The following CNOT2 variants were observed in gnomAD, a reference collection of about 807,000 sequenced individuals.
The protein encoded by CNOT2 is CC chemokine receptor 4-negative regulator of transcription 2.
In CNOT2, 7 loss-of-function variants were observed where a neutral mutation model predicts 72.1. That is an observed-to-expected ratio of 0.10 (90% CI 0.06 to 0.18). The LOEUF (loss-of-function observed/expected upper bound fraction) is 0.18, where lower values mean the gene tolerates loss of function less well. Ranked by LOEUF, CNOT2 falls within the 10% of genes least tolerant of loss-of-function variation. The pLI is 1.00. For missense variants in CNOT2, 345 were observed against 660.3 expected (o/e 0.52, Z 5.23); for synonymous variants, 196 against 225.6 (o/e 0.87, Z 1.17).
At chr12:70,323,369 C>T (rs965163137) in intron 4 of CNOT2, 3 of 151,660 alleles carry the variant, frequency 2.0e-5, no homozygotes, top group South Asian at 2.1e-4. Context: ...GAAGCAGTCT[C>T]ATATAATCTA....
At chr12:70,323,897 G>C (rs1339860450) in intron 4 of CNOT2, 1 of 151,292 alleles carries the variant, frequency 6.6e-6, no homozygotes, top group Non-Finnish European at 1.5e-5. Flanking sequence ...CTTTTCATAA[G>C]TATGACACAC....
intron 2 of CNOT2, among the ~76,000 whole-genome samples, chr12:70,293,809 A>G (rs1872358608): frequency 6.6e-6 from 1 of 151,536 alleles, no homozygotes. Context: ...AGGAGTGGAT[A>G]GGCACAAAGT....
At position 70,354,103 on chromosome 12, in the gene CNOT2, A is replaced by G. The variant is rs1883211252; in HGVS notation, c.*188A>G. On this transcript the variant is annotated 3_prime_UTR_variant, in exon 16 of 16. Coordinates refer to ENST00000229195, the MANE Select transcript of CNOT2 (RefSeq NM_014515.7). Reference sequence around the variant, plus strand: ...TGCCTTACTAATTATGTGCTGCCCAACAACTAAATTTGTAATTTGTTTTTC... The same window carrying G: ...TGCCTTACTAATTATGTGCTGCCCAGCAACTAAATTTGTAATTTGTTTTTC... 1.9e-6 allele frequency: 2 copies of G among 1,065,424 alleles called. No homozygotes were observed. The highest frequency in any genetic ancestry group is 2.5e-6 in the Non-Finnish European group (2 of 807,720). 66.0% of individuals were successfully genotyped at this position (1,065,424 alleles called of 1,614,324 possible).
Position 70,308,582 on chromosome 12 carries a change from T to TCACACA in CNOT2, c.49-2312_49-2311insACACAC, listed in dbSNP as rs1475931770. Among the ~76,000 whole-genome samples the TCACACA allele has an allele frequency of 1.7e-4, 20 of 117,928 alleles. No homozygotes were observed. The East Asian group carries it at 2.7e-3, about 16-fold the overall frequency. 77.4% of individuals were successfully genotyped at this position (117,928 alleles called of 152,430 possible). A position where few individuals can be genotyped will look rare whatever the true frequency, so the allele number is the denominator to read the frequency against. ...CTCTCTCTCTCTCTCTCTCTCTCTC[T>TCACACA]CTCACACACACACACACACACACAC... On this transcript the variant is annotated intron_variant, in intron 2 of 15. Coordinates refer to ENST00000229195, the MANE Select transcript of CNOT2 (RefSeq NM_014515.7).
intron 3 of CNOT2, among the ~76,000 whole-genome samples, chr12:70,312,754 C>T (rs1031096253): frequency 2.0e-5 from 3 of 151,942 alleles, no homozygotes; most frequent in African/African-American, 7.2e-5. Context: ...CTCCAAGTCT[C>T]AGTTTCCTTT....
At chr12:70,299,035 G>C (rs754099130) in intron 2 of CNOT2, among the ~76,000 whole-genome samples, 2 of 152,086 alleles carry the variant, frequency 1.3e-5, no homozygotes, top group African/African-American at 4.8e-5. Context: ...TAACAAAGAC[G>C]TACCCGAGAC....
At chr12:70,322,210 G>T (rs1291039998) in intron 4 of CNOT2, 1 of 151,768 alleles carries the variant, frequency 6.6e-6, no homozygotes, top group East Asian at 1.9e-4. Flanking sequence ...GAATGAAGTT[G>T]AATGAAACAA....
chr12:70,278,303 T>C, intron 2 of CNOT2, 29 bp downstream of exon 2: 1 of 1,479,696 alleles, frequency 6.8e-7, no homozygotes, highest in Non-Finnish European at 9.5e-7. Flanking sequence ...CTTTTTTCTC[T>C]ATTGGTCTTA....
chr12:70,297,456 A>G (rs939064487), intron 2 of CNOT2, among the ~76,000 whole-genome samples: 1 of 152,196 alleles, frequency 6.6e-6, no homozygotes, highest in African/African-American at 2.4e-5. Flanking sequence ...TCCTCCCTAC[A>G]TTAGAGAATC....
intron 1 of CNOT2, chr12:70,243,881 T>G (rs1957716081): frequency 6.6e-6 from 1 of 152,202 alleles, no homozygotes; most frequent in African/African-American, 2.4e-5. Flanking sequence ...GCCGCCGCGC[T>G]GCTTCCTGGG....
At chr12:70,301,985 A>G (rs1874084401) in intron 2 of CNOT2, 1 of 152,150 alleles carries the variant, frequency 6.6e-6, no homozygotes, top group Non-Finnish European at 1.5e-5. Context: ...CATTTCCTCT[A>G]GATTTTCTAG....
At chr12:70,254,996 A>AG (rs1565729913) in intron 1 of CNOT2, among the ~76,000 whole-genome samples, 2 of 149,552 alleles carry the variant, frequency 1.3e-5, no homozygotes, top group African/African-American at 4.9e-5. Flanking sequence ...AAAAAAAAAA[A>AG]AAGAAGAAGA....
At chr12:70,314,023 TA>T (rs1457936220) in intron 3 of CNOT2, among the ~76,000 whole-genome samples, 1 of 152,084 alleles carries the variant, frequency 6.6e-6, no homozygotes, top group African/African-American at 2.4e-5. Context: ...TCCTTTGTTT[TA>T]AAAAAATGGT....
At chr12:70,352,889 A>G (rs192440338) in intron 15 of CNOT2, among the ~76,000 whole-genome samples, 129 of 152,264 alleles carry the variant, frequency 8.5e-4, no homozygotes, top group African/African-American at 2.7e-3. Flanking sequence ...AAGTTTGATT[A>G]AAGTGAGCTG....
chr12:70,321,208 A>G (rs1348432616), intron 4 of CNOT2, among the ~76,000 whole-genome samples: 1 of 151,878 alleles, frequency 6.6e-6, no homozygotes, highest in Non-Finnish European at 1.5e-5. Context: ...GATAGAGTAC[A>G]GAAAAATTGA....
At chr12:70,280,947 C>T (rs998375450) in intron 2 of CNOT2, among the ~76,000 whole-genome samples, 26 of 152,048 alleles carry the variant, frequency 1.7e-4, no homozygotes, top group Admixed American at 1.6e-3. Flanking sequence ...AAGCTTTTTC[C>T]AAGGAAATGC....
At chr12:70,244,979 A>G (rs183452711) in intron 1 of CNOT2, among the ~76,000 whole-genome samples, 98 of 152,366 alleles carry the variant, frequency 6.4e-4, no homozygotes, top group African/African-American at 2.2e-3. Flanking sequence ...TAAAGTATCC[A>G]TTTACATGCA....
At chr12:70,300,033 G>A (rs1488316162) in intron 2 of CNOT2, among the ~76,000 whole-genome samples, 1 of 152,182 alleles carries the variant, frequency 6.6e-6, no homozygotes, top group Non-Finnish European at 1.5e-5. Context: ...CTTTTGAGAA[G>A]TGTCTGTTCA....
intron 3 of CNOT2, among the ~76,000 whole-genome samples, chr12:70,315,097 C>G (rs1206283334): frequency 6.6e-6 from 1 of 152,138 alleles, no homozygotes; most frequent in Non-Finnish European, 1.5e-5. Context: ...CTCCTGACCT[C>G]AGGGGATCTG....
Sources: allele counts gnomAD v4.1 joint callset (sites outside exome capture counted in the v4.1 genomes callset), GRCh38; gene constraint gnomAD v4.1.1; transcripts MANE v1.5; gene names NCBI Gene and HGNC (gene_info 2026-07-23, HGNC 2026-07-21).